The following QSOX2 variants were observed in gnomAD, a reference collection of about 807,000 sequenced individuals.
QSOX2 encodes quiescin sulfhydryl oxidase 2, also known as sulfhydryl oxidase 2.
In QSOX2, 46 loss-of-function variants were observed where a neutral mutation model predicts 61.7. The ratio of observed to expected loss-of-function variants is 0.75; its 90% CI spans 0.59 to 0.95. The LOEUF is 0.95. Among genes scored for constraint, QSOX2 ranks in the 40% least tolerant of loss-of-function variants. The pLI is 0.00. For missense variants in QSOX2, 879 were observed against 918.9 expected (o/e 0.96, Z 0.56); for synonymous variants, 383 against 388.4 (o/e 0.99, Z 0.16).
chr9:136,237,482 C>T (rs1395353242), intron 1 of QSOX2, among the ~76,000 whole-genome samples: 3 of 106,648 alleles, frequency 2.8e-5, no homozygotes, highest in East Asian at 5.3e-4. Flanking sequence ...ACCTGGAGCC[C>T]GTCCTGTGCC....
At chr9:136,210,250 C>G (rs1238587796) in intron 11 of QSOX2, 24 of 985,382 alleles carry the variant, frequency 2.4e-5, no homozygotes, top group Non-Finnish European at 2.8e-5. Flanking sequence ...CTCCGAGGGG[C>G]CTCCCAGGAG....
At chr9:136,225,350 T>G (rs547596034) in intron 2 of QSOX2, among the ~76,000 whole-genome samples, 1 of 152,146 alleles carries the variant, frequency 6.6e-6, no homozygotes, top group Non-Finnish European at 1.5e-5. Flanking sequence ...ATTAAAAACT[T>G]TCTTCATCAA....
intron 10 of QSOX2, among the ~76,000 whole-genome samples, 193 bp downstream of exon 10, chr9:136,214,961 G>C (rs1340485068): frequency 6.6e-6 from 1 of 152,242 alleles, no homozygotes; most frequent in African/African-American, 2.4e-5. Context: ...TCTGACAAGG[G>C]GAACTCGTGC....
chr9:136,221,807 T>C lies in QSOX2; in HGVS notation c.810A>G (p.Gly270=), dbSNP rs953247098. 3 of 1,604,702 alleles carry C rather than the reference T, an allele frequency of 1.9e-6. No homozygotes were observed. Among genetic ancestry groups the C allele is most frequent in the Non-Finnish European group, 2.6e-6 (3 of 1,175,460 alleles). The change falls in exon 6 of 12, where the codon GGA becomes GGG. Residue 270 remains glycine, a synonymous_variant. Coordinates refer to ENST00000358701, the MANE Select transcript of QSOX2 (RefSeq NM_181701.4). The surrounding 1 kb of genome is among the most constrained non-coding windows in gnomAD (Gnocchi z 4.5). ...ACCCGGGCACTCACACGTTAATCAA[T>C]CCATGCGACCCATTTGGGTAGATCA... ...CYLIYPNGSH[G]LINVVKPLRA...
Position 136,209,146 on chromosome 9 carries a change from T to A in QSOX2, c.1679A>T (p.Gln560Leu). The change falls in exon 12 of 12, where the codon CAG becomes CTG. Residue 560 changes from glutamine (Q) to leucine (L), a missense_variant. Gln to Leu is a moderately radical substitution (Grantham distance 113). Coordinates refer to ENST00000358701, the MANE Select transcript of QSOX2 (RefSeq NM_181701.4). This position sits in a 1 kb window ranked among gnomAD's most constrained non-coding sequence, Gnocchi z 5.6. ...TAAGAGGTTGTCGCGGCCATAGTGCTGCTTCAAGAATGTGAGCACGTGGCC... is the reference window on the plus strand; with the variant it reads ...TAAGAGGTTGTCGCGGCCATAGTGCAGCTTCAAGAATGTGAGCACGTGGCC... ...DEGHVLTFLK[Q>L]HYGRDNLLDT... The A allele has an allele frequency of 6.2e-7, 1 of 1,614,216 alleles. No individual in the cohort carries two copies. Among genetic ancestry groups the A allele is most frequent in the South Asian group, 1.1e-5 (1 of 91,086 alleles).
At chr9:136,218,968 G>A in intron 7 of QSOX2, 62 bp downstream of exon 7, 1 of 1,592,484 alleles carries the variant, frequency 6.3e-7, no homozygotes. Context: ...CGCCCTGCAA[G>A]CACGCAGCCT....
chr9:136,227,559 A>G (rs1052819105), intron 1 of QSOX2, among the ~76,000 whole-genome samples: 8 of 152,234 alleles, frequency 5.3e-5, no homozygotes, highest in East Asian at 1.9e-4. Flanking sequence ...TCTTGGATCA[A>G]TAATTATCAG....
rs1224069275 is a variant in QSOX2 at position 136,208,866 on chromosome 9, C to T, written c.1959G>A (p.Gly653=). ...KEVGGAAPFL[G]VDFSSLDMSL... Reference sequence around the variant, plus strand: ...TCATGTCCAGGCTGGAGAAGTCAACCCCGAGGAAGGGTGCGGCCCCGCCCA... The same window carrying T: ...TCATGTCCAGGCTGGAGAAGTCAACTCCGAGGAAGGGTGCGGCCCCGCCCA... The change falls in exon 12 of 12, where the codon GGG becomes GGA. Residue 653 remains glycine, a synonymous_variant. Coordinates refer to ENST00000358701, the MANE Select transcript of QSOX2 (RefSeq NM_181701.4). 1 of 1,613,906 alleles carries T rather than the reference C, an allele frequency of 6.2e-7. No homozygotes were observed. The highest frequency in any genetic ancestry group is 8.5e-7 in the Non-Finnish European group (1 of 1,180,032).
At chr9:136,211,140 A>G in intron 11 of QSOX2, 124 bp downstream of exon 11, 1 of 1,064,386 alleles carries the variant, frequency 9.4e-7, no homozygotes, top group East Asian at 2.6e-5. Flanking sequence ...CCGTCAGCAC[A>G]GTGGGTGGCA....
intron 1 of QSOX2, among the ~76,000 whole-genome samples, chr9:136,230,817 A>T (rs1830323041): frequency 6.6e-6 from 1 of 152,092 alleles, no homozygotes; most frequent in Non-Finnish European, 1.5e-5. Flanking sequence ...TGCTCCGCTC[A>T]CTTGTCCCCT....
chr9:136,226,947 C>T (rs1466223069), intron 1 of QSOX2, 73 bp from the exon 2 acceptor site: 4 of 1,336,704 alleles, frequency 3.0e-6, no homozygotes, highest in Non-Finnish European at 4.3e-6. Flanking sequence ...CAGCAGTCCC[C>T]ACTCCAGGCT....
At chr9:136,210,249 G>A (rs1256735248) in intron 11 of QSOX2, 2 of 985,484 alleles carry the variant, frequency 2.0e-6, no homozygotes, top group Middle Eastern at 5.2e-4. Context: ...TCTCCGAGGG[G>A]CCTCCCAGGA....
At chr9:136,234,254 T>C (rs555885570) in intron 1 of QSOX2, among the ~76,000 whole-genome samples, 7 of 152,368 alleles carry the variant, frequency 4.6e-5, no homozygotes, top group Non-Finnish European at 8.8e-5. Flanking sequence ...ACACAAAGTT[T>C]GTGTCAATCG....
chr9:136,216,879 A>C (rs901121296), intron 8 of QSOX2, among the ~76,000 whole-genome samples, 157 bp from the exon 9 acceptor site: 2 of 152,220 alleles, frequency 1.3e-5, no homozygotes, highest in African/African-American at 4.8e-5. Flanking sequence ...GATGGGAGGC[A>C]GGAAACCCAA....
intron 1 of QSOX2, among the ~76,000 whole-genome samples, chr9:136,235,470 C>T (rs1830372923): frequency 6.6e-6 from 1 of 152,254 alleles, no homozygotes; most frequent in Admixed American, 6.5e-5. Context: ...GAGTCAGGGA[C>T]ACCGTCATAC....
At position 136,208,699 on chromosome 9, in the gene QSOX2, T is replaced by A. The variant is rs770648311; in HGVS notation, c.*29A>T. On this transcript the variant is annotated 3_prime_UTR_variant, in exon 12 of 12. Coordinates refer to ENST00000358701, the MANE Select transcript of QSOX2 (RefSeq NM_181701.4). Reference sequence around the variant, plus strand: ...GGGGCAGGGCTGCCTCCAAGGGAGCTTCCGCCGTGGCTGGCAGCACCCGGG... The same window carrying A: ...GGGGCAGGGCTGCCTCCAAGGGAGCATCCGCCGTGGCTGGCAGCACCCGGG... 6.3e-7 allele frequency: 1 copy of A among 1,582,092 alleles called. No homozygotes were observed.
intron 2 of QSOX2, among the ~76,000 whole-genome samples, chr9:136,225,974 T>C (rs1778453603): frequency 6.6e-6 from 1 of 152,120 alleles, no homozygotes; most frequent in South Asian, 2.1e-4. Flanking sequence ...CGAGAGGCCC[T>C]GGGGCAGGGC....
At position 136,221,645 on chromosome 9, in the gene QSOX2, G is replaced by A. The variant is rs1263887767; in HGVS notation, c.821+151C>T. 1 of 727,274 alleles carries A rather than the reference G, an allele frequency of 1.4e-6. No homozygotes were observed. The highest frequency in any genetic ancestry group is 2.9e-5 in the East Asian group (1 of 33,934). The allele number at this position is 727,274 out of a possible 1,614,324, so 45.1% of individuals were successfully genotyped here. On this transcript the variant is annotated intron_variant, in intron 6 of 11. Transcript: ENST00000358701. The surrounding 1 kb of genome is among the most constrained non-coding windows in gnomAD (Gnocchi z 4.5). ...CAGCACAGATCAGCAATACCCACGG[G>A]CTGAGAGCCAGGGCCCAAATCTGCC...
chr9:136,227,167 C>A (rs1032553759), intron 1 of QSOX2, among the ~76,000 whole-genome samples: 3 of 152,232 alleles, frequency 2.0e-5, no homozygotes, highest in Admixed American at 6.5e-5. Context: ...TTAAATGACA[C>A]CCTGATGGAT....
Sources: gnomAD v4.1 joint callset for allele counts (sites outside exome capture counted in the v4.1 genomes callset) on GRCh38, gnomAD v4.1.1 for gene constraint, Gnocchi (gnomAD v3.1) non-coding constraint, MANE v1.5 for transcripts, NCBI Gene and HGNC (gene_info 2026-07-23, HGNC 2026-07-21) for gene names.